The following TUT4 variants were observed in gnomAD, a reference collection of about 807,000 sequenced individuals.
The protein encoded by TUT4 is terminal uridylyltransferase 4.
TUT4 carries 36 observed loss-of-function variants against 192.2 expected under a neutral mutation model. That is an observed-to-expected ratio of 0.19 (90% CI 0.14 to 0.25). The LOEUF (loss-of-function observed/expected upper bound fraction) is 0.25, where lower values mean the gene tolerates loss of function less well. Ranked by LOEUF, TUT4 falls within the 10% of genes least tolerant of loss-of-function variation. The probability of loss-of-function intolerance (pLI) is 1.00; values close to 1 mark genes in which losing one functional copy is unlikely to be tolerated. For synonymous variants in TUT4, 618 were observed against 666.0 expected, an observed-to-expected ratio of 0.93 and a Z score of 1.11; for missense variants, 1,493 against 1,957.2, an observed-to-expected ratio of 0.76 and a Z score of 4.47.
At chr1:52,503,383 A>C (rs1674694527) in intron 4 of TUT4, among the ~76,000 whole-genome samples, 1 of 151,690 alleles carries the variant, frequency 6.6e-6, no homozygotes, top group Non-Finnish European at 1.5e-5. Flanking sequence ...AATTAAAAGA[A>C]AAAAAAAACT....
chr1:52,466,222 T>C (rs1379252267), intron 15 of TUT4, among the ~76,000 whole-genome samples: 1 of 152,192 alleles, frequency 6.6e-6, no homozygotes, highest in Non-Finnish European at 1.5e-5. Flanking sequence ...AATAGAGACT[T>C]AGATTTGGTC....
chr1:52,438,635 A>T (rs1654523627), intron 24 of TUT4, among the ~76,000 whole-genome samples: 1 of 152,238 alleles, frequency 6.6e-6, no homozygotes, highest in African/African-American at 2.4e-5. Context: ...GGGGAAACTG[A>T]TTCAGGAGTT....
chr1:52,516,220 T>C (rs1438698621), intron 2 of TUT4, among the ~76,000 whole-genome samples, 166 bp from the exon 3 acceptor site: 2 of 152,036 alleles, frequency 1.3e-5, no homozygotes, highest in East Asian at 1.9e-4. Context: ...AGGTAAGAGG[T>C]AGACATGGTA....
chr1:52,459,709 C>T (rs1281643330), intron 19 of TUT4, among the ~76,000 whole-genome samples: 1 of 152,048 alleles, frequency 6.6e-6, no homozygotes, highest in Non-Finnish European at 1.5e-5. Flanking sequence ...GGCAAAACCC[C>T]GTCTCTGCCA....
At position 52,461,286 on chromosome 1, in the gene TUT4, T is replaced by C. The variant is rs1057188592; in HGVS notation, c.3232-63A>G. ...TCGTAAAATTAAACTACAAATCAGATTTAAAAGTAAAATACACTCCAAATA... is the reference window on the plus strand; with the variant it reads ...TCGTAAAATTAAACTACAAATCAGACTTAAAAGTAAAATACACTCCAAATA... On this transcript the variant is annotated intron_variant, in intron 18 of 29. Coordinates refer to ENST00000257177, the MANE Select transcript of TUT4 (RefSeq NM_001009881.3). 8.2e-6 allele frequency: 12 copies of C among 1,468,066 alleles called. No homozygotes were observed. In the South Asian group the frequency reaches 1.3e-4, roughly 16 times the overall value. 90.9% of individuals were successfully genotyped at this position (1,468,066 alleles called of 1,614,324 possible). A position where few individuals can be genotyped will look rare whatever the true frequency, so the allele number is the denominator to read the frequency against.
intron 24 of TUT4, among the ~76,000 whole-genome samples, chr1:52,445,263 G>A (rs1157963997): frequency 6.6e-6 from 1 of 152,108 alleles, no homozygotes; most frequent in Non-Finnish European, 1.5e-5. Context: ...AATTCAGGTA[G>A]AAGGAAACTT....
At chr1:52,467,464 C>A (rs1430743827) in intron 15 of TUT4, among the ~76,000 whole-genome samples, 1 of 152,122 alleles carries the variant, frequency 6.6e-6, no homozygotes, top group African/African-American at 2.4e-5. Flanking sequence ...TCAGCAAATC[C>A]TATTGGTTCT....
At chr1:52,461,363 A>G in intron 18 of TUT4, 140 bp from the exon 19 acceptor site, 1 of 1,090,880 alleles carries the variant, frequency 9.2e-7, no homozygotes, top group South Asian at 1.7e-5. Flanking sequence ...TCAAACAAAA[A>G]CTGACCTTCA....
intron 1 of TUT4, among the ~76,000 whole-genome samples, chr1:52,541,798 T>C (rs770965363): frequency 6.6e-6 from 1 of 152,182 alleles, no homozygotes; most frequent in African/African-American, 2.4e-5. Context: ...AAAAACAGTA[T>C]GACAACTCCT....
At position 52,458,468 on chromosome 1, in the gene TUT4, G is replaced by A; in HGVS notation, c.3322-19C>T. 1.9e-6 allele frequency: 3 copies of A among 1,582,204 alleles called. No individual in the cohort carries two copies. Among genetic ancestry groups the A allele is most frequent in the Non-Finnish European group, 1.7e-6 (2 of 1,154,452 alleles). On this transcript the variant is annotated intron_variant, in intron 19 of 29. Transcript: ENST00000257177. ...CACATCGCTAAAAAACAACATGATT[G>A]AAAACAAAACTTCAGAGTCTTACTC...
At position 52,448,228 on chromosome 1, in the gene TUT4, T is replaced by G. The variant is rs142903332; in HGVS notation, c.3436-1561A>C. On this transcript the variant is annotated intron_variant, in intron 20 of 29. Coordinates refer to ENST00000257177, the MANE Select transcript of TUT4 (RefSeq NM_001009881.3). ...TAAGTTGCTTTTTAACATTTACATA[T>G]TACTTAAACAGATACAGTTTACTAA... Among the ~76,000 whole-genome samples, 826 of 152,314 alleles carry G rather than the reference T, an allele frequency of 5.4e-3. 8 individuals carry two copies. The highest frequency in any genetic ancestry group is 0.018 in the African/African-American group (768 of 41,556).
At chr1:52,513,508 TAAAG>T (rs1173933625) in intron 3 of TUT4, among the ~76,000 whole-genome samples, 1 of 136,044 alleles carries the variant, frequency 7.4e-6, no homozygotes, top group Non-Finnish European at 1.6e-5. Flanking sequence ...GCATGAGAAA[TAAAG>T]AGGTAGAAAG....
chr1:52,451,466 T>C (rs778397047), intron 20 of TUT4, among the ~76,000 whole-genome samples: 6 of 152,172 alleles, frequency 3.9e-5, no homozygotes, highest in Non-Finnish European at 8.8e-5. Flanking sequence ...TATCAATACA[T>C]ATCTCATGGA....
chr1:52,541,340 TG>T (rs1686601304), intron 1 of TUT4, among the ~76,000 whole-genome samples: 1 of 152,068 alleles, frequency 6.6e-6, no homozygotes, highest in South Asian at 2.1e-4. Context: ...GAGACTAGCC[TG>T]GCCAATGTGG....
intron 5 of TUT4, among the ~76,000 whole-genome samples, chr1:52,496,765 G>A (rs1672553612): frequency 1.3e-5 from 2 of 152,066 alleles, no homozygotes; most frequent in African/African-American, 2.4e-5. Context: ...TGACCGCCAA[G>A]AAATAGTTCT....
At chr1:52,486,776 A>G (rs1326554060) in intron 9 of TUT4, among the ~76,000 whole-genome samples, 6 of 152,336 alleles carry the variant, frequency 3.9e-5, no homozygotes, top group Non-Finnish European at 7.4e-5. Context: ...TAGAATCTAC[A>G]TGGATCAACT....
chr1:52,479,809 A>G (rs986264291), intron 11 of TUT4, among the ~76,000 whole-genome samples: 3 of 151,942 alleles, frequency 2.0e-5, no homozygotes, highest in Non-Finnish European at 2.9e-5. Context: ...CCTGGCTAAC[A>G]CGGTGAAACC....
intron 6 of TUT4, among the ~76,000 whole-genome samples, chr1:52,495,188 T>G (rs1471495311): frequency 6.6e-6 from 1 of 152,140 alleles, no homozygotes; most frequent in Non-Finnish European, 1.5e-5. Context: ...TGTTCAAATA[T>G]AAACATTTTT....
intron 15 of TUT4, among the ~76,000 whole-genome samples, chr1:52,467,058 T>C (rs960931138): frequency 6.6e-6 from 1 of 152,080 alleles, no homozygotes; most frequent in East Asian, 1.9e-4. Context: ...GGCAGGAGGA[T>C]TGCTTGAGCC....
Sources: gnomAD v4.1 joint callset for allele counts (sites outside exome capture counted in the v4.1 genomes callset) on GRCh38, gnomAD v4.1.1 for gene constraint, MANE v1.5 for transcripts, NCBI Gene and HGNC (gene_info 2026-07-23, HGNC 2026-07-21) for gene names.